FAT3: variants seen among roughly 807,000 people sequenced by gnomAD.
FAT3 encodes the protein protocadherin Fat 3.
FAT3 carries 95 observed loss-of-function variants against 310.2 expected under a neutral mutation model. That is an observed-to-expected ratio of 0.31 (90% CI 0.26 to 0.36). FAT3 has a LOEUF of 0.36. Ranked by LOEUF, FAT3 falls within the 10% of genes least tolerant of loss-of-function variation. FAT3 has a pLI of 1.00. For synonymous variants in FAT3, 2,314 were observed against 2,192.9 expected, an observed-to-expected ratio of 1.06 and a Z score of -1.54; for missense variants, 5,408 against 5,715.6, an observed-to-expected ratio of 0.95 and a Z score of 1.74.
At chr11:92,655,267 A>T (rs1236811313) in intron 3 of FAT3, among the ~76,000 whole-genome samples, 2 of 152,192 alleles carry the variant, frequency 1.3e-5, no homozygotes, top group African/African-American at 2.4e-5. Context: ...TCAGGAGAAC[A>T]CAATATCTTG....
At chr11:92,637,609 A>G (rs750272386) in intron 3 of FAT3, among the ~76,000 whole-genome samples, 3 of 152,184 alleles carry the variant, frequency 2.0e-5, no homozygotes, top group Non-Finnish European at 4.4e-5. Flanking sequence ...TTTCATTTCC[A>G]CTAAGTAGTC....
intron 1 of FAT3, among the ~76,000 whole-genome samples, chr11:92,235,010 G>T (rs375354272): frequency 1.3e-5 from 2 of 151,822 alleles, no homozygotes; most frequent in East Asian, 3.9e-4. Flanking sequence ...GGCAGAGGTT[G>T]CAGTGAGCTA....
intron 3 of FAT3, among the ~76,000 whole-genome samples, chr11:92,684,489 T>C (rs2135868120): frequency 6.6e-6 from 1 of 152,262 alleles, no homozygotes; most frequent in Admixed American, 6.5e-5. Flanking sequence ...ACTGTTCTTG[T>C]TTCTGAAACA....
intron 3 of FAT3, among the ~76,000 whole-genome samples, chr11:92,576,218 A>G (rs1461732345): frequency 6.6e-6 from 1 of 152,146 alleles, no homozygotes; most frequent in East Asian, 1.9e-4. Context: ...ACCGAGCTGC[A>G]TTCATTTTCT....
intron 3 of FAT3, among the ~76,000 whole-genome samples, chr11:92,581,381 T>A (rs1366392210): frequency 6.6e-6 from 1 of 151,536 alleles, no homozygotes; most frequent in Non-Finnish European, 1.5e-5. Flanking sequence ...AGACTCAGAC[T>A]GATCCCCCAC....
chr11:92,444,098 A>G (rs1317179306), intron 2 of FAT3, among the ~76,000 whole-genome samples: 1 of 152,110 alleles, frequency 6.6e-6, no homozygotes, highest in Non-Finnish European at 1.5e-5. Flanking sequence ...ATCTTAATTC[A>G]TATCTCTAAA....
At position 92,463,997 on chromosome 11, in the gene FAT3, T is replaced by C. The variant is rs148117577; in HGVS notation, c.3293-60637T>C. Among the ~76,000 whole-genome samples, 623 of 152,260 alleles carry C rather than the reference T, an allele frequency of 4.1e-3. 6 individuals are homozygous for C. Among genetic ancestry groups the C allele is most frequent in the African/African-American group, 0.014 (589 of 41,556 alleles). ...TGGATACTAAGCACCTAGCACATGG[T>C]TAAGGGCTTTATAAAGCATGGCTTC... is the stretch of plus-strand genomic sequence containing the variant. On this transcript the variant is annotated intron_variant, in intron 2 of 27. Coordinates refer to ENST00000525166, the MANE Select transcript of FAT3 (RefSeq NM_001367949.2).
intron 13 of FAT3, among the ~76,000 whole-genome samples, chr11:92,820,720 CA>C (rs1310063413): frequency 3.9e-5 from 6 of 152,142 alleles, no homozygotes; most frequent in Non-Finnish European, 7.4e-5. Flanking sequence ...CATAGATAAC[CA>C]GCTAAAAAAT....
intron 2 of FAT3, among the ~76,000 whole-genome samples, chr11:92,469,111 A>G (rs1951844969): frequency 6.6e-6 from 1 of 152,124 alleles, no homozygotes; most frequent in Non-Finnish European, 1.5e-5. Context: ...AGGGCTGATC[A>G]AGGTCATTGT....
intron 3 of FAT3, among the ~76,000 whole-genome samples, chr11:92,652,506 A>G (rs778385316): frequency 1.1e-4 from 17 of 152,232 alleles, no homozygotes; most frequent in Non-Finnish European, 1.9e-4. Flanking sequence ...TGTGTTCCTC[A>G]GAGCTACAAA....
At chr11:92,586,974 A>C (rs1250314177) in intron 3 of FAT3, among the ~76,000 whole-genome samples, 1 of 151,992 alleles carries the variant, frequency 6.6e-6, no homozygotes, top group African/African-American at 2.4e-5. Context: ...TGTGAGAAGC[A>C]TGGCAGAAAT....
chr11:92,251,189 G>T (rs1323944016), intron 1 of FAT3, among the ~76,000 whole-genome samples: 2 of 152,124 alleles, frequency 1.3e-5, no homozygotes, highest in Admixed American at 1.3e-4. Flanking sequence ...GTACTGTCTA[G>T]ATAGTCTGAT....
At chr11:92,471,474 G>T (rs895645026) in intron 2 of FAT3, among the ~76,000 whole-genome samples, 1 of 152,100 alleles carries the variant, frequency 6.6e-6, no homozygotes, top group Non-Finnish European at 1.5e-5. Context: ...CATGTAATCA[G>T]GGAGACAAAT....
chr11:92,530,827 A>T (rs552538786), intron 3 of FAT3, among the ~76,000 whole-genome samples: 2 of 152,198 alleles, frequency 1.3e-5, no homozygotes, highest in African/African-American at 4.8e-5. Flanking sequence ...ATGTGGTGGT[A>T]ATCTGCTTAG....
chr11:92,225,348 G>A (rs1413349927), intron 1 of FAT3, among the ~76,000 whole-genome samples, 174 bp downstream of exon 1: 1 of 152,150 alleles, frequency 6.6e-6, no homozygotes, highest in African/African-American at 2.4e-5. Flanking sequence ...TCCAACCTCC[G>A]CGCAGCCCCG....
rs1948682766 is a variant in FAT3, at chr11:92,354,737, G to A, written c.2625G>A (p.Gln875=). The change falls in exon 2 of 28, where the codon CAG becomes CAA. Residue 875 remains glutamine (Q), a synonymous_variant. Transcript: ENST00000525166. ...CTTACTCAGTCTTGACAGATACACA[G>A]CAGTTTGCCATCAATAGCTCAACTG... ...EVTYSVLTDT[Q]QFAINSSTGI... is the part of the protein sequence containing the mutation. 4 of 1,613,918 alleles carry A rather than the reference G, an allele frequency of 2.5e-6. No individual in the cohort carries two copies. The highest frequency in any genetic ancestry group is 3.4e-6 in the Non-Finnish European group (4 of 1,179,870).
intron 17 of FAT3, among the ~76,000 whole-genome samples, chr11:92,838,921 C>T (rs977029537): frequency 3.9e-5 from 6 of 152,090 alleles, no homozygotes; most frequent in African/African-American, 1.4e-4. Flanking sequence ...TTGGTTTTCT[C>T]CTCCTCTCTG....
At position 92,661,404 on chromosome 11, in the gene FAT3, G is replaced by A. The variant is rs373214077; in HGVS notation, c.3608-35980G>A. On this transcript the variant is annotated intron_variant, in intron 3 of 27. Coordinates refer to ENST00000525166, the MANE Select transcript of FAT3 (RefSeq NM_001367949.2). ...ATCTAGAACTGCCCCACAGCTCTGAGAGGAGATTCCATTACCATATGTGGT... is the reference window on the plus strand; with the variant it reads ...ATCTAGAACTGCCCCACAGCTCTGAAAGGAGATTCCATTACCATATGTGGT... Among the ~76,000 whole-genome samples, 297 of 152,314 alleles carry A rather than the reference G, an allele frequency of 1.9e-3. 11 individuals carry two copies. The South Asian group carries it at 0.06, about 31-fold the overall frequency.
chr11:92,593,278 T>A (rs536321806), intron 3 of FAT3, among the ~76,000 whole-genome samples: 19 of 152,230 alleles, frequency 1.2e-4, no homozygotes, highest in African/African-American at 4.3e-4. Flanking sequence ...ATGGGTGAAA[T>A]CTCTTTGAGT....
Sources: gnomAD v4.1 joint callset for allele counts (sites outside exome capture counted in the v4.1 genomes callset) on GRCh38, gnomAD v4.1.1 for gene constraint, MANE v1.5 for transcripts, NCBI Gene and HGNC (gene_info 2026-07-23, HGNC 2026-07-21) for gene names.